Variants in GATAD2B observed in about 807,000 individuals in gnomAD.
GATAD2B encodes the protein GATA zinc finger domain containing 2B.
GATAD2B carries 8 observed loss-of-function variants against 64.3 expected under a neutral mutation model. The ratio of observed to expected loss-of-function variants is 0.12; its 90% CI spans 0.07 to 0.22. GATAD2B has a LOEUF of 0.22. Ranked by LOEUF, GATAD2B falls within the 10% of genes least tolerant of loss-of-function variation. The probability of loss-of-function intolerance (pLI) is 1.00; values close to 1 mark genes in which losing one functional copy is unlikely to be tolerated. For missense variants in GATAD2B, 453 were observed against 752.0 expected (o/e 0.60, Z 4.65); for synonymous variants, 281 against 271.3 (o/e 1.04, Z -0.35).
At chr1:153,894,457 G>T (rs1213605111) in intron 1 of GATAD2B, among the ~76,000 whole-genome samples, 1 of 151,966 alleles carries the variant, frequency 6.6e-6, no homozygotes, top group Non-Finnish European at 1.5e-5. Context: ...GACAGAGCAA[G>T]ATTCTGTCTC....
chr1:153,892,683 G>T (rs1366557923), intron 1 of GATAD2B, among the ~76,000 whole-genome samples: 2 of 142,420 alleles, frequency 1.4e-5, no homozygotes, highest in African/African-American at 2.6e-5. Context: ...CAGTAGACTT[G>T]TAAGAAACCT....
At chr1:153,846,942 G>A (rs1570954463) in intron 1 of GATAD2B, among the ~76,000 whole-genome samples, 1 of 152,154 alleles carries the variant, frequency 6.6e-6, no homozygotes, top group African/African-American at 2.4e-5. Context: ...AATTAGTCAT[G>A]ATTAGTGTGT....
chr1:153,897,421 G>A (rs568962539), intron 1 of GATAD2B, among the ~76,000 whole-genome samples: 2 of 152,196 alleles, frequency 1.3e-5, no homozygotes, highest in African/African-American at 4.8e-5. Context: ...CTTCTAATAC[G>A]ATGAGAACAG....
chr1:153,826,867 G>A (rs1368720584), intron 2 of GATAD2B, among the ~76,000 whole-genome samples: 2 of 151,768 alleles, frequency 1.3e-5, no homozygotes, highest in Non-Finnish European at 2.9e-5. Context: ...CTTGAGCCCA[G>A]GAGTTGGTGG....
chr1:153,892,299 C>T (rs1677438935), intron 1 of GATAD2B, among the ~76,000 whole-genome samples: 1 of 151,806 alleles, frequency 6.6e-6, no homozygotes, highest in African/African-American at 2.4e-5. Flanking sequence ...ATATAGAACA[C>T]TACCACTAGT....
intron 7 of GATAD2B, among the ~76,000 whole-genome samples, chr1:153,815,081 CAAAAAAAAAAAA>C (rs58874063): frequency 3.2e-4 from 8 of 25,380 alleles, no homozygotes; most frequent in Admixed American, 1.7e-3. Context: ...GACTCTGTCT[CAAAAAAAAAAAA>C]AAAAAAAAAA....
intron 1 of GATAD2B, among the ~76,000 whole-genome samples, chr1:153,894,107 C>T (rs1677506410): frequency 6.6e-6 from 1 of 151,912 alleles, no homozygotes; most frequent in Non-Finnish European, 1.5e-5. Flanking sequence ...ACAAATACTA[C>T]CAGAGGAAGT....
At chr1:153,860,686 G>A (rs1676250834) in intron 1 of GATAD2B, among the ~76,000 whole-genome samples, 2 of 151,930 alleles carry the variant, frequency 1.3e-5, no homozygotes, top group Admixed American at 6.6e-5. Context: ...TGAGAGACAG[G>A]GTCTCTTTCT....
intron 1 of GATAD2B, among the ~76,000 whole-genome samples, chr1:153,918,320 C>G (rs1011956341): frequency 3.3e-5 from 5 of 152,220 alleles, no homozygotes; most frequent in African/African-American, 1.2e-4. Flanking sequence ...AGGCTCTCCA[C>G]AACCTGTGTT....
Position 153,835,374 on chromosome 1 carries a change from C to A in GATAD2B, c.-1-7026G>T, listed in dbSNP as rs556623226. 6.6e-5 allele frequency among the ~76,000 whole-genome samples: 10 copies of A among 152,158 alleles called. No homozygotes were observed. The South Asian group carries it at 2.1e-3, about 32-fold the overall frequency. On this transcript the variant is annotated intron_variant, in intron 1 of 10. Transcript: ENST00000368655. ...ACAGTACCGCATGCTATATGAAAAT[C>A]TTTCATGAAAGGAGAGTCAATCCAT... is the stretch of plus-strand genomic sequence containing the variant.
intron 7 of GATAD2B, 146 bp from the exon 8 acceptor site, chr1:153,813,598 T>G: frequency 3.1e-6 from 2 of 635,684 alleles, no homozygotes; most frequent in Non-Finnish European, 5.5e-6. Context: ...TACAAAATAC[T>G]TTTATTTCAT....
chr1:153,877,852 T>A (rs1676884312), intron 1 of GATAD2B, among the ~76,000 whole-genome samples: 1 of 146,408 alleles, frequency 6.8e-6, no homozygotes, highest in Non-Finnish European at 1.5e-5. Flanking sequence ...CACTCCAGCC[T>A]GGGCAACAGA....
chr1:153,852,048 C>T (rs1470800299), intron 1 of GATAD2B: 3 of 473,594 alleles, frequency 6.3e-6, no homozygotes, highest in African/African-American at 4.0e-5. Flanking sequence ...TTCAACATAA[C>T]GAAAGGTGTT....
intron 1 of GATAD2B, among the ~76,000 whole-genome samples, chr1:153,842,680 GTTT>G (rs1425565628): frequency 6.6e-6 from 1 of 151,036 alleles, no homozygotes; most frequent in African/African-American, 2.4e-5. Flanking sequence ...ATGAGATGGA[GTTT>G]CACTCGTTGC....
At chr1:153,861,820 ATATATATGTATATG>A (rs942386606) in intron 1 of GATAD2B, among the ~76,000 whole-genome samples, 2 of 131,620 alleles carry the variant, frequency 1.5e-5, no homozygotes, top group Admixed American at 8.9e-5. Flanking sequence ...ACACATATGT[ATATATATGTATATG>A]TATATATGTA....
At chr1:153,895,287 T>C (rs1432306377) in intron 1 of GATAD2B, among the ~76,000 whole-genome samples, 1 of 150,526 alleles carries the variant, frequency 6.6e-6, no homozygotes, top group Non-Finnish European at 1.5e-5. Context: ...TGAGCCAAGA[T>C]CGCGCCACTG....
chr1:153,842,109 G>A (rs938657853), intron 1 of GATAD2B, among the ~76,000 whole-genome samples: 2 of 152,138 alleles, frequency 1.3e-5, no homozygotes, highest in African/African-American at 4.8e-5. Context: ...GAGGAGAAGC[G>A]ACTTGAAGTG....
intron 1 of GATAD2B, among the ~76,000 whole-genome samples, chr1:153,856,163 T>C (rs546920849): frequency 1.3e-4 from 20 of 152,352 alleles, no homozygotes; most frequent in African/African-American, 4.8e-4. Flanking sequence ...TATGATTATA[T>C]TGGCCCACCT....
In GATAD2B at chr1:153,816,164, G is replaced by C; in HGVS notation, c.1216+109C>G. Reference sequence around the variant, plus strand: ...AAGGGAGGGAGGTGGTTTGGTAACAGGAAGGAGAAGTTATTTAATATTGTA... The same window carrying C: ...AAGGGAGGGAGGTGGTTTGGTAACACGAAGGAGAAGTTATTTAATATTGTA... On this transcript the variant is annotated intron_variant, in intron 7 of 10. Transcript: ENST00000368655. This position sits in a 1 kb window ranked among gnomAD's most constrained non-coding sequence, Gnocchi z 4.9. The C allele has an allele frequency of 1.4e-6, 1 of 716,652 alleles. No individual in the cohort carries two copies. The highest frequency in any genetic ancestry group is 2.4e-6 in the Non-Finnish European group (1 of 418,734). 44.4% of individuals were successfully genotyped at this position (716,652 alleles called of 1,614,324 possible). A position where few individuals can be genotyped will look rare whatever the true frequency, so the allele number is the denominator to read the frequency against.
Sources: gnomAD v4.1 joint callset for allele counts (sites outside exome capture counted in the v4.1 genomes callset) on GRCh38, gnomAD v4.1.1 for gene constraint, Gnocchi (gnomAD v3.1) non-coding constraint, MANE v1.5 for transcripts, NCBI Gene and HGNC (gene_info 2026-07-23, HGNC 2026-07-21) for gene names.